NPTN: variants seen among roughly 807,000 people sequenced by gnomAD.
NPTN encodes SDR-1.
Under a neutral mutation model 42.7 loss-of-function variants are expected in NPTN, and 5 were observed. That is an observed-to-expected ratio of 0.12 (90% CI 0.06 to 0.25). NPTN has a LOEUF of 0.25. NPTN is among the 10% of genes least tolerant of loss of function. The pLI is 1.00. For missense variants in NPTN, 307 were observed against 525.4 expected, an observed-to-expected ratio of 0.58 and a Z score of 4.06; for synonymous variants, 180 against 201.9, an observed-to-expected ratio of 0.89 and a Z score of 0.92.
chr15:73,631,828 T>C (rs1898759529), intron 1 of NPTN, among the ~76,000 whole-genome samples: 1 of 152,190 alleles, frequency 6.6e-6, no homozygotes. Context: ...AAAGATCAAT[T>C]CAGCAGCTGA....
At chr15:73,587,660 C>T (rs1388155062) in intron 3 of NPTN, 42 bp from the exon 4 acceptor site, 17 of 1,382,634 alleles carry the variant, frequency 1.2e-5, no homozygotes, top group African/African-American at 2.8e-5. Flanking sequence ...AAACTGGGAA[C>T]GGTCAAAATA....
chr15:73,570,921 G>T lies in NPTN; in HGVS notation c.841-498C>A. Among the ~76,000 whole-genome samples the T allele has an allele frequency of 6.6e-6, 1 of 152,170 alleles. No individual in the cohort carries two copies. The highest frequency in any genetic ancestry group is 2.1e-4 in the South Asian group (1 of 4,822). ...AAGAACTCACTCCTAGTCAGACTGG[G>T]GGAAATTCATAACTTTCCTTTCATT... On this transcript the variant is annotated intron_variant, in intron 5 of 8. Coordinates refer to ENST00000345330, the MANE Select transcript of NPTN (RefSeq NM_012428.4). The surrounding 1 kb of genome is among the most constrained non-coding windows in gnomAD (Gnocchi z 4.0).
At chr15:73,565,578 G>A (rs1004056720) in intron 6 of NPTN, among the ~76,000 whole-genome samples, 3 of 151,600 alleles carry the variant, frequency 2.0e-5, no homozygotes, top group Non-Finnish European at 2.9e-5. Context: ...ATTGAGGGGG[G>A]AAAAAAAAGA....
chr15:73,578,573 A>G (rs1333592700), intron 4 of NPTN, among the ~76,000 whole-genome samples: 3 of 152,206 alleles, frequency 2.0e-5, no homozygotes, highest in African/African-American at 7.2e-5. Context: ...GCAAAAGAAT[A>G]AGAGTGTTTT....
rs1894791837 is a variant in NPTN, at chr15:73,563,266, TG to T, written c.1115-10del. On this transcript the variant is annotated splice_polypyrimidine_tract_variant and intron_variant, in intron 6 of 8. Coordinates refer to ENST00000345330, the MANE Select transcript of NPTN (RefSeq NM_012428.4). ...TCCAGCTGGTTCATCATCTACATGG[TG>T]TTCAGTTTTTTAAAAATCCATGAGA... The T allele has an allele frequency of 6.2e-7, 1 of 1,611,926 alleles. No individual in the cohort carries two copies. The highest frequency in any genetic ancestry group is 1.3e-5 in the African/African-American group (1 of 75,012).
At chr15:73,629,732 A>AT (rs760797069) in intron 1 of NPTN, among the ~76,000 whole-genome samples, 1 of 152,122 alleles carries the variant, frequency 6.6e-6, no homozygotes, top group Non-Finnish European at 1.5e-5. Flanking sequence ...GCTAACATCT[A>AT]TAACACTCCC....
chr15:73,574,044 A>C (rs1310722697), intron 4 of NPTN, among the ~76,000 whole-genome samples: 1 of 152,226 alleles, frequency 6.6e-6, no homozygotes, highest in Non-Finnish European at 1.5e-5. Flanking sequence ...CTACTAATGT[A>C]GGTGATTCTC....
rs138744226 is a variant in NPTN, at chr15:73,607,830, C to T, written c.92-10461G>A. Among the ~76,000 whole-genome samples, 1,283 of 152,284 alleles carry T rather than the reference C, an allele frequency of 8.4e-3. 18 individuals are homozygous for T. The highest frequency in any genetic ancestry group is 0.024 in the Middle Eastern group (7 of 294). ...GAATCATTTGGAGGGCCTGTTAGAA[C>T]ACAGACTGAGGCCTGAGACTGCACT... On this transcript the variant is annotated intron_variant, in intron 1 of 8. Transcript: ENST00000345330.
At chr15:73,626,503 A>G (rs1898419863) in intron 1 of NPTN, among the ~76,000 whole-genome samples, 1 of 152,240 alleles carries the variant, frequency 6.6e-6, no homozygotes, top group East Asian at 1.9e-4. Flanking sequence ...GATATTTAGT[A>G]ATTTTTAGAA....
intron 6 of NPTN, among the ~76,000 whole-genome samples, chr15:73,566,806 ATT>A (rs1286906231): frequency 6.6e-6 from 1 of 152,190 alleles, no homozygotes; most frequent in African/African-American, 2.4e-5. Flanking sequence ...CAAAGCTCTT[ATT>A]TGACTCCATG....
At chr15:73,588,254 G>A (rs1298451156) in intron 3 of NPTN, among the ~76,000 whole-genome samples, 1 of 152,138 alleles carries the variant, frequency 6.6e-6, no homozygotes, top group Non-Finnish European at 1.5e-5. Flanking sequence ...TTGTTCACCT[G>A]GTGGTTCCAG....
In NPTN at chr15:73,560,127, G is replaced by A. The variant is rs543285309; in HGVS notation, c.*936C>T. 7.0e-5 allele frequency: 30 copies of A among 426,862 alleles called. No individual in the cohort carries two copies. Among genetic ancestry groups the A allele is most frequent in the Middle Eastern group, 6.1e-4 (1 of 1,640 alleles). 26.4% of individuals were successfully genotyped at this position (426,862 alleles called of 1,614,324 possible). A position where few individuals can be genotyped will look rare whatever the true frequency, so the allele number is the denominator to read the frequency against. ...GTACATGCATCTACAATTACGCACCGCATGAGAACCGTTAGGTTATAAAAT... is the reference window on the plus strand; with the variant it reads ...GTACATGCATCTACAATTACGCACCACATGAGAACCGTTAGGTTATAAAAT... On this transcript the variant is annotated 3_prime_UTR_variant, in exon 9 of 9. Coordinates refer to ENST00000345330, the MANE Select transcript of NPTN (RefSeq NM_012428.4).
At chr15:73,620,798 T>C (rs1359878785) in intron 1 of NPTN, among the ~76,000 whole-genome samples, 1 of 152,238 alleles carries the variant, frequency 6.6e-6, no homozygotes, top group South Asian at 2.1e-4. Context: ...CAACACTGTC[T>C]ATAGTATTCA....
intron 1 of NPTN, among the ~76,000 whole-genome samples, chr15:73,619,439 G>C (rs1898023818): frequency 6.6e-6 from 1 of 152,150 alleles, no homozygotes; most frequent in Non-Finnish European, 1.5e-5. Flanking sequence ...TCTAAGTCAA[G>C]CAACAACTAC....
rs375565473 is a variant in NPTN at position 73,561,909 on chromosome 15, C to T, written c.*1G>A. 6 of 1,597,810 alleles carry T rather than the reference C, an allele frequency of 3.8e-6. No individual in the cohort carries two copies. In the African/African-American group the frequency reaches 6.8e-5, roughly 18 times the overall value. ...GGCCATACTTACATTGTAAGCAGTA[C>T]TTAATTTGTGTTTCTCTGGCGCAAG... is the stretch of plus-strand genomic sequence containing the variant. On this transcript the variant is annotated 3_prime_UTR_variant, in exon 8 of 9. Transcript: ENST00000345330.
At chr15:73,566,840 C>CT (rs1328942719) in intron 6 of NPTN, among the ~76,000 whole-genome samples, 1 of 152,072 alleles carries the variant, frequency 6.6e-6, no homozygotes, top group African/African-American at 2.4e-5. Flanking sequence ...CCTGAAAATA[C>CT]TGAAGGTAAA....
At chr15:73,602,952 G>C (rs79855801) in intron 1 of NPTN, among the ~76,000 whole-genome samples, 2,393 of 152,246 alleles carry the variant, frequency 0.016, 86 homozygotes, top group African/African-American at 0.055. Context: ...ATGACCAAAG[G>C]CATCTATACC....
At chr15:73,631,268 C>T (rs376959873) in intron 1 of NPTN, among the ~76,000 whole-genome samples, 3 of 152,308 alleles carry the variant, frequency 2.0e-5, no homozygotes, top group East Asian at 3.9e-4. Flanking sequence ...TAGCATTAGG[C>T]TTCTTTAAGT....
chr15:73,587,832 C>T (rs915187564), intron 3 of NPTN, among the ~76,000 whole-genome samples: 2 of 152,120 alleles, frequency 1.3e-5, no homozygotes, highest in Non-Finnish European at 2.9e-5. Context: ...GATGGAATGG[C>T]AACATGGTCC....
Sources: allele counts gnomAD v4.1 joint callset (sites outside exome capture counted in the v4.1 genomes callset), GRCh38; gene constraint gnomAD v4.1.1; non-coding constraint Gnocchi (gnomAD v3.1); transcripts MANE v1.5; gene names NCBI Gene and HGNC (gene_info 2026-07-23, HGNC 2026-07-21).